Variants in KCNAB1 observed in about 807,000 individuals in gnomAD.
The protein encoded by KCNAB1 is potassium voltage-gated channel subfamily A regulatory beta subunit 1.
A neutral mutation model predicts 64.6 loss-of-function variants in KCNAB1; 35 were observed. That is an observed-to-expected ratio of 0.54 (90% CI 0.41 to 0.72). The LOEUF (loss-of-function observed/expected upper bound fraction) is 0.72. KCNAB1 is among the 30% of genes least tolerant of loss of function. KCNAB1 has a pLI of 0.00. For synonymous variants in KCNAB1, 177 were observed against 183.8 expected (o/e 0.96, Z 0.30); for missense variants, 401 against 512.9 (o/e 0.78, Z 2.11).
At chr3:156,231,210 G>A (rs1291201850) in intron 1 of KCNAB1, among the ~76,000 whole-genome samples, 1 of 152,114 alleles carries the variant, frequency 6.6e-6, no homozygotes, top group Non-Finnish European at 1.5e-5. Flanking sequence ...TAACATTAAT[G>A]AGGACTAAGC....
chr3:156,237,032 G>C (rs928702586), intron 1 of KCNAB1, among the ~76,000 whole-genome samples: 1 of 152,100 alleles, frequency 6.6e-6, no homozygotes, highest in Non-Finnish European at 1.5e-5. Flanking sequence ...TTAGAGACTG[G>C]GGCTAGGCTC....
intron 1 of KCNAB1, among the ~76,000 whole-genome samples, chr3:156,259,955 G>A (rs889174966): frequency 1.3e-5 from 2 of 152,198 alleles, no homozygotes; most frequent in African/African-American, 2.4e-5. Context: ...AACGGGGAAC[G>A]TTTCTGGATG....
At chr3:156,346,523 T>C (rs373150731) in intron 1 of KCNAB1, among the ~76,000 whole-genome samples, 5 of 152,274 alleles carry the variant, frequency 3.3e-5, no homozygotes, top group African/African-American at 1.2e-4. Flanking sequence ...GGGCATAGAA[T>C]TTGTAACTGG....
At chr3:156,351,388 C>T (rs1189464297) in intron 1 of KCNAB1, among the ~76,000 whole-genome samples, 1 of 152,238 alleles carries the variant, frequency 6.6e-6, no homozygotes, top group Admixed American at 6.5e-5. Flanking sequence ...TGGATGTAGG[C>T]TCTCTCTTCC....
intron 3 of KCNAB1, among the ~76,000 whole-genome samples, chr3:156,453,649 T>C (rs1712170487): frequency 6.6e-6 from 1 of 152,202 alleles, no homozygotes; most frequent in African/African-American, 2.4e-5. Flanking sequence ...CTTTAAGGAA[T>C]ACCTTCATGG....
At position 156,508,796 on chromosome 3, in the gene KCNAB1, TAGGGATAC is replaced by T. The variant is rs1470826303; in HGVS notation, c.659-5562_659-5555del. 1.3e-5 allele frequency among the ~76,000 whole-genome samples: 2 copies of T among 152,206 alleles called. No individual in the cohort carries two copies. Among genetic ancestry groups the T allele is most frequent in the Non-Finnish European group, 2.9e-5 (2 of 68,038 alleles). On this transcript the variant is annotated intron_variant, in intron 8 of 13. Transcript: ENST00000490337. The surrounding 1 kb of genome is among the most constrained non-coding windows in gnomAD (Gnocchi z 4.1). Reference sequence around the variant, plus strand: ...CATTTATAGGGAGCCACCTGTGTGCTAGGGATACAGGGAGTATGTACGAGAGCTGCCTG... The same window carrying T: ...CATTTATAGGGAGCCACCTGTGTGCTAGGGAGTATGTACGAGAGCTGCCTG...
upstream of KCNAB1, among the ~76,000 whole-genome samples, chr3:156,119,687 AG>A (rs961940349): frequency 3.3e-5 from 5 of 152,224 alleles, no homozygotes; most frequent in African/African-American, 1.2e-4. Flanking sequence ...ATAGACCCCT[AG>A]GTGGACACTG....
At position 156,353,717 on chromosome 3, in the gene KCNAB1, G is replaced by T. The variant is rs184492202; in HGVS notation, c.276-67899G>T. Among the ~76,000 whole-genome samples, 120 of 152,318 alleles carry T rather than the reference G, an allele frequency of 7.9e-4. 1 individual carries two copies. The South Asian group carries it at 0.012, about 15-fold the overall frequency. ...CCTCCCTCAGTTCCCTGCCACATGGGCCTCTCTAGGGAGCAGTTCACAACA... is the reference window on the plus strand; with the variant it reads ...CCTCCCTCAGTTCCCTGCCACATGGTCCTCTCTAGGGAGCAGTTCACAACA... On this transcript the variant is annotated intron_variant, in intron 1 of 13. Coordinates refer to ENST00000490337, the MANE Select transcript of KCNAB1 (RefSeq NM_172160.3).
At chr3:156,223,899 G>A (rs769571800) in intron 1 of KCNAB1, among the ~76,000 whole-genome samples, 7 of 152,242 alleles carry the variant, frequency 4.6e-5, no homozygotes, top group Non-Finnish European at 1.0e-4. Flanking sequence ...CCAGTCCTGC[G>A]CCATGTGCCC....
At chr3:156,371,274 T>C (rs1223060442) in intron 1 of KCNAB1, among the ~76,000 whole-genome samples, 1 of 152,146 alleles carries the variant, frequency 6.6e-6, no homozygotes, top group Non-Finnish European at 1.5e-5. Flanking sequence ...AATCTTAAAC[T>C]TGTCACCAGC....
chr3:156,283,794 G>C (rs1158085841), intron 1 of KCNAB1, among the ~76,000 whole-genome samples: 4 of 151,940 alleles, frequency 2.6e-5, no homozygotes, highest in African/African-American at 7.3e-5. Context: ...ACGTAGTTCT[G>C]GAGCCTTGGT....
intron 1 of KCNAB1, among the ~76,000 whole-genome samples, chr3:156,281,458 A>G (rs1442053684): frequency 6.7e-6 from 1 of 150,038 alleles, no homozygotes; most frequent in Non-Finnish European, 1.5e-5. Context: ...TGGCTTTGGT[A>G]TCAGAATGAT....
intron 1 of KCNAB1, among the ~76,000 whole-genome samples, chr3:156,276,035 C>T (rs192884593): frequency 6.6e-6 from 1 of 152,034 alleles, no homozygotes; most frequent in Non-Finnish European, 1.5e-5. Context: ...CAGCTGTAGC[C>T]TTATGAAATG....
At chr3:156,189,805 A>T (rs911915388) in intron 1 of KCNAB1, among the ~76,000 whole-genome samples, 13 of 152,180 alleles carry the variant, frequency 8.5e-5, no homozygotes, top group African/African-American at 2.2e-4. Flanking sequence ...TGGGAGCCTC[A>T]GTGGGCAGAG....
At chr3:156,224,197 GGCCA>G (rs1715992410) in intron 1 of KCNAB1, among the ~76,000 whole-genome samples, 1 of 152,232 alleles carries the variant, frequency 6.6e-6, no homozygotes, top group Admixed American at 6.5e-5. Context: ...GGGTCAGCGG[GGCCA>G]GCCAGCCGGC....
Position 156,537,177 on chromosome 3 carries a change from A to G in KCNAB1, c.*430A>G, listed in dbSNP as rs2108436244. On this transcript the variant is annotated 3_prime_UTR_variant, in exon 14 of 14. Transcript: ENST00000490337. Reference sequence around the variant, plus strand: ...TAAATTCAGTGAAGGAAAGGAATTGAGAGATTTTTCTTAGTAAATAGATTA... The same window carrying G: ...TAAATTCAGTGAAGGAAAGGAATTGGGAGATTTTTCTTAGTAAATAGATTA... 3 of 397,856 alleles carry G rather than the reference A, an allele frequency of 7.5e-6. No individual in the cohort carries two copies. The East Asian group carries it at 1.1e-4, about 14-fold the overall frequency. The allele number at this position is 397,856 out of a possible 1,614,324, so 24.6% of individuals were successfully genotyped here.
In KCNAB1 at chr3:156,309,510, T is replaced by G. The variant is rs560951133; in HGVS notation, c.276-112106T>G. Among the ~76,000 whole-genome samples, 23 of 152,388 alleles carry G rather than the reference T, an allele frequency of 1.5e-4. No homozygotes were observed. In the South Asian group the frequency reaches 4.3e-3, roughly 29 times the overall value. On this transcript the variant is annotated intron_variant, in intron 1 of 13. Transcript: ENST00000490337. ...GTGCATAGCACCATGATAGGGTTTC[T>G]GCATAAAGCAAAAGAAATATTGAAT...
intron 1 of KCNAB1, among the ~76,000 whole-genome samples, chr3:156,132,031 T>C (rs1157279478): frequency 1.3e-5 from 2 of 152,162 alleles, no homozygotes; most frequent in Non-Finnish European, 2.9e-5. Context: ...GGAATTGTAG[T>C]TATAAATGTA....
At chr3:156,383,437 A>G (rs1413094945) in intron 1 of KCNAB1, among the ~76,000 whole-genome samples, 1 of 152,050 alleles carries the variant, frequency 6.6e-6, no homozygotes, top group Non-Finnish European at 1.5e-5. Flanking sequence ...TTAGCACTGT[A>G]ATTTAGGCCA....
Sources: allele counts gnomAD v4.1 joint callset (sites outside exome capture counted in the v4.1 genomes callset), GRCh38; gene constraint gnomAD v4.1.1; non-coding constraint Gnocchi (gnomAD v3.1); transcripts MANE v1.5; gene names NCBI Gene and HGNC (gene_info 2026-07-23, HGNC 2026-07-21).